The following KLF12 variants were observed in gnomAD, a reference collection of about 807,000 sequenced individuals.
KLF12 encodes KLF transcription factor 12.
Under a neutral mutation model 37.8 loss-of-function variants are expected in KLF12, and 9 were observed. The ratio of observed to expected loss-of-function variants is 0.24; its 90% CI spans 0.14 to 0.42. KLF12 has a LOEUF of 0.42. KLF12 is among the 10% of genes least tolerant of loss of function. KLF12 has a pLI of 1.00. For missense variants in KLF12, 411 were observed against 516.0 expected (o/e 0.80, Z 1.97); for synonymous variants, 208 against 202.1 (o/e 1.03, Z -0.25).
chr13:74,147,752 T>A, the KLF12 span, among the ~76,000 whole-genome samples: 1 of 152,054 alleles, frequency 6.6e-6, no homozygotes, highest in Admixed American at 6.5e-5. Context: ...GCACACATAC[T>A]TTCACAGCTC....
At chr13:73,836,517 T>C (rs1361575861) in intron 4 of KLF12, among the ~76,000 whole-genome samples, 1 of 152,208 alleles carries the variant, frequency 6.6e-6, no homozygotes, top group East Asian at 1.9e-4. Flanking sequence ...TTACTAAATA[T>C]GTTTTCACAT....
At chr13:74,184,033 A>G in the KLF12 span, among the ~76,000 whole-genome samples, 1 of 152,206 alleles carries the variant, frequency 6.6e-6, no homozygotes, top group African/African-American at 2.4e-5. Flanking sequence ...GGTGTGATCC[A>G]CTGACCATCA....
intron 1 of KLF12, among the ~76,000 whole-genome samples, chr13:74,129,538 C>T (rs1170678408): frequency 6.6e-6 from 1 of 152,166 alleles, no homozygotes; most frequent in Non-Finnish European, 1.5e-5. Context: ...TCCACTCTCA[C>T]CTTCCATGCA....
chr13:74,224,582 G>T, the KLF12 span, among the ~76,000 whole-genome samples: 1 of 152,080 alleles, frequency 6.6e-6, no homozygotes, highest in Non-Finnish European at 1.5e-5. Context: ...TATTACATAC[G>T]TTGTAGCATA....
At chr13:73,766,498 CA>C (rs1879923380) in intron 5 of KLF12, among the ~76,000 whole-genome samples, 1 of 152,120 alleles carries the variant, frequency 6.6e-6, no homozygotes, top group African/African-American at 2.4e-5. Flanking sequence ...GCTTGAAATA[CA>C]ATCCTTAAAA....
intron 3 of KLF12, among the ~76,000 whole-genome samples, chr13:73,877,446 A>T (rs1451207575): frequency 6.6e-6 from 1 of 152,176 alleles, no homozygotes; most frequent in Non-Finnish European, 1.5e-5. Context: ...TTAGTCTCTC[A>T]GTTTTTGTTC....
chr13:74,120,394 T>C (rs1187676734), intron 1 of KLF12, among the ~76,000 whole-genome samples: 1 of 152,116 alleles, frequency 6.6e-6, no homozygotes, highest in Non-Finnish European at 1.5e-5. Flanking sequence ...CCATGAGAAT[T>C]GTTTGAACTC....
At chr13:73,725,833 G>T (rs916042900) in intron 6 of KLF12, among the ~76,000 whole-genome samples, 3 of 142,192 alleles carry the variant, frequency 2.1e-5, no homozygotes, top group East Asian at 2.1e-4. Context: ...ATTTCAAAAT[G>T]TATTTATTTA....
intron 1 of KLF12, among the ~76,000 whole-genome samples, chr13:74,033,737 A>T (rs549245638): frequency 6.6e-6 from 1 of 152,246 alleles, no homozygotes; most frequent in East Asian, 1.9e-4. Context: ...TAATAATCTG[A>T]TGAGAATAAT....
chr13:74,301,198 T>C, the KLF12 span, among the ~76,000 whole-genome samples: 28 of 152,328 alleles, frequency 1.8e-4, no homozygotes, highest in South Asian at 5.8e-3. Context: ...TATTTCAATA[T>C]GGCCCTTAGC....
chr13:73,983,060 G>A (rs1891730422), intron 2 of KLF12, among the ~76,000 whole-genome samples: 1 of 151,416 alleles, frequency 6.6e-6, no homozygotes, highest in African/African-American at 2.4e-5. Flanking sequence ...AATATTCATT[G>A]AAAAGATCTC....
At chr13:74,079,668 G>A (rs1874765818) in intron 1 of KLF12, among the ~76,000 whole-genome samples, 1 of 152,094 alleles carries the variant, frequency 6.6e-6, no homozygotes, top group Admixed American at 6.5e-5. Context: ...AATCACCATG[G>A]GCTTTTAAAA....
At chr13:73,699,849 C>T (rs2137570939) in intron 7 of KLF12, among the ~76,000 whole-genome samples, 1 of 152,188 alleles carries the variant, frequency 6.6e-6, no homozygotes, top group South Asian at 2.1e-4. Flanking sequence ...AGTGGGGAAA[C>T]AGTGCAAGTG....
At chr13:74,148,305 A>C in the KLF12 span, among the ~76,000 whole-genome samples, 1 of 152,062 alleles carries the variant, frequency 6.6e-6, no homozygotes, top group African/African-American at 2.4e-5. Context: ...CAGTCTTAGA[A>C]AATAAATTTA....
chr13:74,274,612 C>T, the KLF12 span, among the ~76,000 whole-genome samples: 4 of 151,902 alleles, frequency 2.6e-5, no homozygotes, highest in Non-Finnish European at 5.9e-5. Flanking sequence ...TTTCTTCTCA[C>T]TCATGCCAAT....
At chr13:74,083,539 CAA>C (rs1211362808) in intron 1 of KLF12, among the ~76,000 whole-genome samples, 17 of 139,216 alleles carry the variant, frequency 1.2e-4, no homozygotes, top group East Asian at 4.2e-4. Context: ...CACACACACA[CAA>C]ACATTTAATA....
rs1472754130 is a variant in KLF12 at position 74,113,903 on chromosome 13, C to CA, written c.-32+19835dup. ...ATATTTGTGATTTATGCAAGGAGGT[C>CA]AAAATATCAACATTAGAAGGAGTTT... is the stretch of plus-strand genomic sequence containing the variant. On this transcript the variant is annotated intron_variant, in intron 1 of 7. Transcript: ENST00000377669. Among the ~76,000 whole-genome samples the CA allele has an allele frequency of 5.3e-5, 8 of 152,204 alleles. No individual in the cohort carries two copies. In the South Asian group the frequency reaches 6.2e-4, roughly 12 times the overall value.
At position 73,796,507 on chromosome 13, in the gene KLF12, C is replaced by CTGTGTGTGTGTGTGTGTG. The variant is rs5804694; in HGVS notation, c.806+16627_806+16644dup. 2.8e-3 allele frequency among the ~76,000 whole-genome samples: 395 copies of CTGTGTGTGTGTGTGTGTG among 140,350 alleles called. 3 individuals carry two copies. The highest frequency in any genetic ancestry group is 5.1e-3 in the African/African-American group (194 of 37,942). The allele number at this position is 140,350 out of a possible 152,430, so 92.1% of individuals were successfully genotyped here. On this transcript the variant is annotated intron_variant, in intron 5 of 7. Coordinates refer to ENST00000377669, the MANE Select transcript of KLF12 (RefSeq NM_007249.5). ...CTGTCTCTTTCTCCCTGCCCCTGTG[C>CTGTGTGTGTGTGTGTGTG]TGTGTGTGTGTGTGTGTGTGTGTGT...
intron 3 of KLF12, among the ~76,000 whole-genome samples, chr13:73,899,797 C>T (rs1887956130): frequency 6.6e-6 from 1 of 152,126 alleles, no homozygotes; most frequent in African/African-American, 2.4e-5. Flanking sequence ...ACCCCAAACC[C>T]CCAAATTCCC....
Sources: allele counts gnomAD v4.1 joint callset (sites outside exome capture counted in the v4.1 genomes callset), GRCh38; gene constraint gnomAD v4.1.1; transcripts MANE v1.5; gene names NCBI Gene and HGNC (gene_info 2026-07-23, HGNC 2026-07-21).